The following ARHGEF2 variants were observed in gnomAD, a reference collection of about 807,000 sequenced individuals.
ARHGEF2 encodes Rho/Rac guanine nucleotide exchange factor 2.
In ARHGEF2, 22 loss-of-function variants were observed where a neutral mutation model predicts 121.0. That is an observed-to-expected ratio of 0.18 (90% CI 0.13 to 0.26). The LOEUF (loss-of-function observed/expected upper bound fraction) is 0.26. Ranked by LOEUF, ARHGEF2 falls within the 10% of genes least tolerant of loss-of-function variation. The pLI is 1.00. For synonymous variants in ARHGEF2, 487 were observed against 530.0 expected (o/e 0.92, Z 1.11); for missense variants, 907 against 1,336.0 (o/e 0.68, Z 5.01).
At position 155,965,137 on chromosome 1, in the gene ARHGEF2, C is replaced by T; in HGVS notation, c.581-6G>A. The T allele has an allele frequency of 1.2e-6, 2 of 1,613,854 alleles. No homozygotes were observed. Among genetic ancestry groups the T allele is most frequent in the Non-Finnish European group, 1.7e-6 (2 of 1,179,866 alleles). ...CTCACTGTAGATTACCTCTGCTGGACATTAGCAGGGCAAGCAACTCAGAGG... is the reference window on the plus strand; with the variant it reads ...CTCACTGTAGATTACCTCTGCTGGATATTAGCAGGGCAAGCAACTCAGAGG... On this transcript the variant is annotated splice_region_variant and splice_polypyrimidine_tract_variant and intron_variant, in intron 6 of 21. Coordinates refer to ENST00000361247, the MANE Select transcript of ARHGEF2 (RefSeq NM_001162383.2). The surrounding 1 kb of genome is among the most constrained non-coding windows in gnomAD (Gnocchi z 6.0).
intron 1 of ARHGEF2, chr1:155,970,961 C>T (rs1680343665): frequency 5.1e-6 from 5 of 986,624 alleles, no homozygotes; most frequent in Non-Finnish European, 6.0e-6. Context: ...CTCCTGTCTC[C>T]TGCTCTCTCT....
At chr1:155,970,537 G>A (rs1680255625) in intron 1 of ARHGEF2, 1 of 985,474 alleles carries the variant, frequency 1.0e-6, no homozygotes, top group Non-Finnish European at 1.2e-6. Context: ...TCAAAAATCA[G>A]GATCCAGATG....
Position 155,952,642 on chromosome 1 carries a change from T to C in ARHGEF2, c.1970A>G (p.Asp657Gly), listed in dbSNP as rs1675730515. 5 of 1,612,292 alleles carry C rather than the reference T, an allele frequency of 3.1e-6. No individual in the cohort carries two copies. The change falls in exon 15 of 22, where the codon GAT becomes GGT. Residue 657 changes from aspartate (D) to glycine (G), a missense_variant. Asp to Gly is a moderately conservative substitution (Grantham distance 94). Coordinates refer to ENST00000361247, the MANE Select transcript of ARHGEF2 (RefSeq NM_001162383.2). The stretch of plus-strand genomic sequence containing the variant: ...AGCTCCCTCACCCTCACGGATGGCA[T>C]CCTGCAGCAGCCGCTCGCCACGAGG... ...ESPRGERLLQDAIREVEGLKD... is the reference protein window; with the variant it reads ...ESPRGERLLQGAIREVEGLKD...
Position 155,965,361 on chromosome 1 carries a change from G to C in ARHGEF2, c.522C>G (p.Ser174=). 1 of 1,614,154 alleles carries C rather than the reference G, an allele frequency of 6.2e-7. No homozygotes were observed. Among genetic ancestry groups the C allele is most frequent in the Non-Finnish European group, 8.5e-7 (1 of 1,180,022 alleles). Residue 174 remains serine, a synonymous_variant, in exon 6 of 22, where the codon TCC becomes TCG. Coordinates refer to ENST00000361247, the MANE Select transcript of ARHGEF2 (RefSeq NM_001162383.2). The surrounding 1 kb of genome is among the most constrained non-coding windows in gnomAD (Gnocchi z 6.0). ...GGTTCCGCATGTTGAGGGAGTCTGT[G>C]GACTGTGAGAGGATCCGGCGCAGCC... is the stretch of plus-strand genomic sequence containing the variant. The part of the protein sequence containing the change: ...PLGLRRILSQ[S]TDSLNMRNRT...
chr1:155,954,282 C>CTTTTTTTTTTTT, intron 14 of ARHGEF2, among the ~76,000 whole-genome samples: 1 of 108,488 alleles, frequency 9.2e-6, no homozygotes, highest in Non-Finnish European at 1.8e-5. Context: ...CAATCTACTT[C>CTTTTTTTTTTTT]TTTTTTTTTT....
chr1:155,967,695 C>T (rs1375811661), intron 2 of ARHGEF2, among the ~76,000 whole-genome samples: 2 of 152,106 alleles, frequency 1.3e-5, no homozygotes, highest in Non-Finnish European at 2.9e-5. Context: ...TCTGCTTCTC[C>T]GCCATCCTCC....
At chr1:155,959,589 G>A (rs1287727238) in intron 11 of ARHGEF2, among the ~76,000 whole-genome samples, 1 of 152,132 alleles carries the variant, frequency 6.6e-6, no homozygotes, top group African/African-American at 2.4e-5. Context: ...CTGTCGCCCT[G>A]GCTGGAGGGC....
At chr1:155,969,925 C>T (rs555800345) in intron 1 of ARHGEF2, 37 of 985,464 alleles carry the variant, frequency 3.8e-5, no homozygotes, top group South Asian at 9.4e-5. Flanking sequence ...CCCTCAGCCA[C>T]GGCACACAGG....
intron 11 of ARHGEF2, among the ~76,000 whole-genome samples, chr1:155,959,584 G>A (rs550398827): frequency 1.3e-5 from 2 of 152,106 alleles, no homozygotes; most frequent in African/African-American, 4.8e-5. Context: ...TCGCTCTGTC[G>A]CCCTGGCTGG....
In ARHGEF2 at chr1:155,947,242, G is replaced by A. The variant is rs1674557656; in HGVS notation, c.*700C>T. The A allele has an allele frequency of 2.5e-6, 1 of 404,252 alleles. No individual in the cohort carries two copies. The highest frequency in any genetic ancestry group is 1.8e-5 in the South Asian group (1 of 56,858). 25.0% of individuals were successfully genotyped at this position (404,252 alleles called of 1,614,324 possible). On this transcript the variant is annotated 3_prime_UTR_variant, in exon 22 of 22. Coordinates refer to ENST00000361247, the MANE Select transcript of ARHGEF2 (RefSeq NM_001162383.2). ...TATAAAACACGTGCAGTTGACTTTGGTACAAAAAAGAAAACAAAAGAACAA... is the reference window on the plus strand; with the variant it reads ...TATAAAACACGTGCAGTTGACTTTGATACAAAAAAGAAAACAAAAGAACAA...
intron 21 of ARHGEF2, among the ~76,000 whole-genome samples, chr1:155,949,044 T>C (rs1674857578): frequency 6.6e-6 from 1 of 150,956 alleles, no homozygotes; most frequent in South Asian, 2.1e-4. Context: ...GGCCAGGAGT[T>C]CGAGACCAGC....
chr1:155,956,887 CAAAAAAAAAAAAA>C (rs34831517), intron 13 of ARHGEF2, among the ~76,000 whole-genome samples: 5 of 80,432 alleles, frequency 6.2e-5, no homozygotes, highest in Admixed American at 3.0e-4. Flanking sequence ...ACTCTGTCTC[CAAAAAAAAAAAAA>C]AAAAAAAAAA....
intron 2 of ARHGEF2, chr1:155,968,328 C>A (rs1679843688): frequency 6.6e-6 from 1 of 151,920 alleles, no homozygotes; most frequent in Non-Finnish European, 1.5e-5. Context: ...GTTCCTTCCC[C>A]AAGTTTCATA....
chr1:155,973,476 T>G (rs550758753), intron 1 of ARHGEF2, among the ~76,000 whole-genome samples: 21 of 152,302 alleles, frequency 1.4e-4, no homozygotes, highest in Non-Finnish European at 2.4e-4. Context: ...CCGAGCGCAG[T>G]GGCTCATGCC....
At chr1:155,954,724 C>T (rs959175152) in intron 14 of ARHGEF2, among the ~76,000 whole-genome samples, 178 bp downstream of exon 14, 2 of 151,660 alleles carry the variant, frequency 1.3e-5, no homozygotes, top group African/African-American at 4.8e-5. Context: ...ATTATTTTTA[C>T]ACACATGGTA....
chr1:155,970,655 G>A (rs996078367), intron 1 of ARHGEF2: 4 of 985,464 alleles, frequency 4.1e-6, no homozygotes, highest in South Asian at 4.7e-5. Flanking sequence ...TGACTCAGCC[G>A]AGGCCACGAG....
chr1:155,959,488 T>C (rs1432002113), intron 11 of ARHGEF2, among the ~76,000 whole-genome samples: 11 of 152,052 alleles, frequency 7.2e-5, no homozygotes, highest in Non-Finnish European at 1.5e-4. Flanking sequence ...CCTCAAGTAA[T>C]CTGCCTGCCT....
At chr1:155,955,973 G>T (rs1049908176) in intron 13 of ARHGEF2, among the ~76,000 whole-genome samples, 2 of 152,154 alleles carry the variant, frequency 1.3e-5, no homozygotes, top group African/African-American at 4.8e-5. Flanking sequence ...CTCCCAAAGT[G>T]CTGGGATTCC....
At chr1:155,956,664 A>G (rs879809714) in intron 13 of ARHGEF2, among the ~76,000 whole-genome samples, 3 of 151,780 alleles carry the variant, frequency 2.0e-5, no homozygotes, top group African/African-American at 4.8e-5. Context: ...TCCACTAAAA[A>G]TACAAAAATT....
Sources: allele counts gnomAD v4.1 joint callset (sites outside exome capture counted in the v4.1 genomes callset), GRCh38; gene constraint gnomAD v4.1.1; non-coding constraint Gnocchi (gnomAD v3.1); transcripts MANE v1.5; gene names NCBI Gene and HGNC (gene_info 2026-07-23, HGNC 2026-07-21).